Variants in ILDR2 observed in about 807,000 individuals in gnomAD.
ILDR2 encodes the protein immunoglobulin-like domain-containing receptor 2.
In ILDR2, 25 loss-of-function variants were observed where a neutral mutation model predicts 66.8. That is an observed-to-expected ratio of 0.37 (90% confidence interval 0.27 to 0.52). The LOEUF (loss-of-function observed/expected upper bound fraction) is 0.52, where lower values mean the gene tolerates loss of function less well. Among genes scored for constraint, ILDR2 ranks in the 20% least tolerant of loss-of-function variants. The probability of loss-of-function intolerance (pLI) is 0.88; values close to 1 mark genes in which losing one functional copy is unlikely to be tolerated. For missense variants in ILDR2, 827 were observed against 876.8 expected (o/e 0.94, Z 0.72); for synonymous variants, 367 against 357.2 (o/e 1.03, Z -0.31).
intron 6 of ILDR2, among the ~76,000 whole-genome samples, chr1:166,933,795 C>G (rs914317973): frequency 6.6e-6 from 1 of 152,212 alleles, no homozygotes; most frequent in Non-Finnish European, 1.5e-5. Context: ...GTCTTTATTT[C>G]TCTAATTATC....
Position 166,936,157 on chromosome 1 carries a change from G to T in ILDR2, c.703+434C>A, listed in dbSNP as rs1660963574. ...TCATGGGAGTAAATAAAACAAATCTGTGGCTGGGTGGGTGCCCAAAGGCCA... is the reference window on the plus strand; with the variant it reads ...TCATGGGAGTAAATAAAACAAATCTTTGGCTGGGTGGGTGCCCAAAGGCCA... On this transcript the variant is annotated intron_variant, in intron 5 of 9. Coordinates refer to ENST00000271417, the MANE Select transcript of ILDR2 (RefSeq NM_199351.3). The surrounding 1 kb of genome is among the most constrained non-coding windows in gnomAD (Gnocchi z 5.0). Among the ~76,000 whole-genome samples, 1 of 152,140 alleles carries T rather than the reference G, an allele frequency of 6.6e-6. No individual in the cohort carries two copies. The highest frequency in any genetic ancestry group is 1.5e-5 in the Non-Finnish European group (1 of 68,038).
At chr1:166,925,460 C>A (rs908146861) in intron 7 of ILDR2, among the ~76,000 whole-genome samples, 1 of 152,154 alleles carries the variant, frequency 6.6e-6, no homozygotes, top group South Asian at 2.1e-4. Flanking sequence ...GTGAAGGGGA[C>A]GGATTCAACA....
intron 3 of ILDR2, chr1:166,943,647 T>G (rs1212953930): frequency 5.6e-6 from 1 of 178,496 alleles, no homozygotes; most frequent in African/African-American, 2.4e-5. Flanking sequence ...CCCTAACAAT[T>G]CCTAAGAAAT....
At chr1:166,949,406 AT>A (rs927267710) in intron 3 of ILDR2, among the ~76,000 whole-genome samples, 74 of 152,366 alleles carry the variant, frequency 4.9e-4, no homozygotes, top group African/African-American at 1.7e-3. Flanking sequence ...AAAGACAGTA[AT>A]TTTTATAGAG....
chr1:166,956,792 A>C lies in ILDR2; in HGVS notation c.440T>G (p.Ile147Ser). The C allele has an allele frequency of 6.2e-7, 1 of 1,614,092 alleles. No homozygotes were observed. The highest frequency in any genetic ancestry group is 8.5e-7 in the Non-Finnish European group (1 of 1,179,948). Residue 147 changes from isoleucine to serine, a missense_variant, in exon 3 of 10, where the codon ATC becomes AGC. Transcript: ENST00000271417. ...WGDSGLYYCI[I>S]TTPDDLEGKN... Reference sequence around the variant, plus strand: ...CCCCTCCAGGTCATCTGGGGTGGTGATAATACAGTAATAGAGTCCGCTGTC... The same window carrying C: ...CCCCTCCAGGTCATCTGGGGTGGTGCTAATACAGTAATAGAGTCCGCTGTC...
chr1:166,950,539 C>T (rs1661913158), intron 3 of ILDR2, among the ~76,000 whole-genome samples: 1 of 152,140 alleles, frequency 6.6e-6, no homozygotes, highest in Non-Finnish European at 1.5e-5. Flanking sequence ...GGGGGCATTT[C>T]TGCATAGCCT....
chr1:166,919,476 C>G, intron 9 of ILDR2, 86 bp from the exon 10 acceptor site: 3 of 1,287,362 alleles, frequency 2.3e-6, no homozygotes, highest in Non-Finnish European at 3.3e-6. Flanking sequence ...TGGGCAGAGT[C>G]CACAACCCGT....
chr1:166,973,624 CCG>C (rs1491570142), intron 1 of ILDR2, among the ~76,000 whole-genome samples: 11 of 135,390 alleles, frequency 8.1e-5, no homozygotes, highest in East Asian at 2.4e-4. Flanking sequence ...CCCCCCCCCC[CCG>C]ATGCCTGGCT....
At chr1:166,934,871 C>G (rs1660848189) in intron 6 of ILDR2, among the ~76,000 whole-genome samples, 1 of 152,230 alleles carries the variant, frequency 6.6e-6, no homozygotes. Context: ...TTGTCTTTAG[C>G]ATACTCTTTA....
intron 1 of ILDR2, 110 bp downstream of exon 1, chr1:166,975,113 C>T (rs1336846802): frequency 5.4e-6 from 5 of 918,176 alleles, no homozygotes; most frequent in Non-Finnish European, 3.5e-6. Flanking sequence ...CGCTAAGCAG[C>T]TTTAAACATG....
chr1:166,903,581 C>A (rs1659296384), downstream of ILDR2, among the ~76,000 whole-genome samples: 1 of 152,138 alleles, frequency 6.6e-6, no homozygotes, highest in Non-Finnish European at 1.5e-5. Flanking sequence ...CAGATAAGAA[C>A]CTTTTTCTAA....
rs1024012751 is a variant in ILDR2, at chr1:166,973,616, C to CG, written c.46+1606_46+1607insC. 1.4e-4 allele frequency among the ~76,000 whole-genome samples: 15 copies of CG among 108,104 alleles called. 1 individual carries two copies. The highest frequency in any genetic ancestry group is 6.5e-4 in the African/African-American group (14 of 21,428). The allele number at this position is 108,104 out of a possible 152,430, so 70.9% of individuals were successfully genotyped here. ...CACCTCTGACTCAGGGACCCCTCCCCCCCCCCCCCGATGCCTGGCTGACTT... is the reference window on the plus strand; with the variant it reads ...CACCTCTGACTCAGGGACCCCTCCCCGCCCCCCCCCGATGCCTGGCTGACTT... On this transcript the variant is annotated intron_variant, in intron 1 of 9. Coordinates refer to ENST00000271417, the MANE Select transcript of ILDR2 (RefSeq NM_199351.3).
intron 1 of ILDR2, among the ~76,000 whole-genome samples, chr1:166,958,647 A>G (rs770034563): frequency 2.0e-5 from 3 of 151,882 alleles, no homozygotes; most frequent in Non-Finnish European, 4.4e-5. Flanking sequence ...GACCAATACA[A>G]CCTCACTCCC....
At chr1:166,967,741 G>A (rs576286228) in intron 1 of ILDR2, among the ~76,000 whole-genome samples, 78 of 152,268 alleles carry the variant, frequency 5.1e-4, no homozygotes, top group African/African-American at 1.8e-3. Context: ...GGGTGACAGA[G>A]TGGGACTCTG....
In ILDR2 at chr1:166,917,243, A is replaced by C. The variant is rs1165587296; in HGVS notation, c.*2112T>G. ...TTTCTCTGGGACTGGCCAAAGCAACACGGAAGTCCTTTGGTAGGTCAATTC... is the reference window on the plus strand; with the variant it reads ...TTTCTCTGGGACTGGCCAAAGCAACCCGGAAGTCCTTTGGTAGGTCAATTC... On this transcript the variant is annotated 3_prime_UTR_variant, in exon 10 of 10. Coordinates refer to ENST00000271417, the MANE Select transcript of ILDR2 (RefSeq NM_199351.3). 1 of 152,186 alleles carries C rather than the reference A, an allele frequency of 6.6e-6. No homozygotes were observed. The highest frequency in any genetic ancestry group is 1.9e-4 in the East Asian group (1 of 5,188). The allele number at this position is 152,186 out of a possible 1,614,324, so 9.4% of individuals were successfully genotyped here.
chr1:166,922,532 T>A, intron 8 of ILDR2, 61 bp downstream of exon 8: 1 of 1,387,132 alleles, frequency 7.2e-7, no homozygotes, highest in Non-Finnish European at 1.0e-6. Flanking sequence ...GCCTCCGATC[T>A]ACCCTGCCTT....
rs1193126970 is a variant in ILDR2 at position 166,920,842 on chromosome 1, C to T, written c.1749G>A (p.Gln583=). The T allele has an allele frequency of 6.6e-7, 1 of 1,514,716 alleles. No homozygotes were observed. Among genetic ancestry groups the T allele is most frequent in the African/African-American group, 1.4e-5 (1 of 70,242 alleles). 93.8% of individuals were successfully genotyped at this position (1,514,716 alleles called of 1,614,324 possible). A position where few individuals can be genotyped will look rare whatever the true frequency, so the allele number is the denominator to read the frequency against. ...GCAGCGCGTCGTCGGACGCGTCCTCCTGGTCGTCCTGCGACGAGCCGGCCT... is the reference window on the plus strand; with the variant it reads ...GCAGCGCGTCGTCGGACGCGTCCTCTTGGTCGTCCTGCGACGAGCCGGCCT... ...TYKAGSSQDD[Q]EDASDDALPP... is the part of the protein sequence containing the mutation. The change falls in exon 9 of 10, where the codon CAG becomes CAA. Residue 583 remains glutamine, a synonymous_variant. Transcript: ENST00000271417.
At chr1:166,939,944 C>T (rs1215742601) in intron 3 of ILDR2, among the ~76,000 whole-genome samples, 1 of 152,232 alleles carries the variant, frequency 6.6e-6, no homozygotes, top group Non-Finnish European at 1.5e-5. Context: ...GTTCAATCTA[C>T]ATTTTCATAC....
At chr1:166,919,897 T>C (rs773693522) in intron 9 of ILDR2, among the ~76,000 whole-genome samples, 11 of 151,992 alleles carry the variant, frequency 7.2e-5, no homozygotes, top group Non-Finnish European at 1.2e-4. Context: ...GCAGGGTAAT[T>C]GCGAAGGGGG....
Sources: allele counts gnomAD v4.1 joint callset (sites outside exome capture counted in the v4.1 genomes callset), GRCh38; gene constraint gnomAD v4.1.1; non-coding constraint Gnocchi (gnomAD v3.1); transcripts MANE v1.5; gene names NCBI Gene and HGNC (gene_info 2026-07-23, HGNC 2026-07-21).